TSGA10: variants seen among roughly 807,000 people sequenced by gnomAD.
The protein encoded by TSGA10 is testis specific 10.
TSGA10 carries 43 observed loss-of-function variants against 96.6 expected under a neutral mutation model. The ratio of observed to expected loss-of-function variants is 0.44; its 90% CI spans 0.35 to 0.57. The LOEUF (loss-of-function observed/expected upper bound fraction) is 0.57, where lower values mean the gene tolerates loss of function less well. Ranked by LOEUF, TSGA10 falls within the 20% of genes least tolerant of loss-of-function variation. The pLI, the probability that TSGA10 is intolerant of heterozygous loss-of-function variation, is 0.01. For synonymous variants in TSGA10, 229 were observed against 269.9 expected (o/e 0.85, Z 1.48); for missense variants, 703 against 834.4 (o/e 0.84, Z 1.94).
At chr2:99,088,610 C>G (rs142372323) in intron 10 of TSGA10, among the ~76,000 whole-genome samples, 79 of 152,286 alleles carry the variant, frequency 5.2e-4, no homozygotes, top group African/African-American at 1.8e-3. Flanking sequence ...TAAAATCACA[C>G]AATCACGTGG....
chr2:99,053,156 G>C (rs1285570006), intron 16 of TSGA10, among the ~76,000 whole-genome samples: 2 of 151,882 alleles, frequency 1.3e-5, no homozygotes, highest in Admixed American at 6.6e-5. Context: ...TGGCTTCATG[G>C]GTGAATTCTA....
rs183706789 is a variant in TSGA10 at position 99,111,924 on chromosome 2, C to T, written c.-139-1009G>A. ...CATTCTCATAAAAAATAAATTTATA[C>T]GCAGACATCCTACATATAAACATAA... On this transcript the variant is annotated intron_variant, in intron 4 of 20. Coordinates refer to ENST00000393483, the MANE Select transcript of TSGA10 (RefSeq NM_025244.4). 1.2e-4 allele frequency among the ~76,000 whole-genome samples: 18 copies of T among 152,108 alleles called. No individual in the cohort carries two copies. In the East Asian group the frequency reaches 2.5e-3, roughly 21 times the overall value.
intron 1 of TSGA10, chr2:99,142,388 C>A (rs1427865781): frequency 6.6e-6 from 1 of 152,156 alleles, no homozygotes; most frequent in Admixed American, 6.5e-5. Flanking sequence ...ACTAACAATT[C>A]CTGTTTTCGC....
At chr2:99,129,709 G>A (rs1437460193) in intron 1 of TSGA10, among the ~76,000 whole-genome samples, 5 of 152,122 alleles carry the variant, frequency 3.3e-5, no homozygotes, top group South Asian at 4.1e-4. Context: ...CTCCTGTACC[G>A]TTCTCAGAGA....
At chr2:99,000,248 C>T (rs1050891752) in intron 20 of TSGA10, among the ~76,000 whole-genome samples, 2 of 152,038 alleles carry the variant, frequency 1.3e-5, no homozygotes, top group East Asian at 1.9e-4. Flanking sequence ...TGGCTCATGC[C>T]TGTAATCCCA....
intron 9 of TSGA10, 58 bp downstream of exon 9, chr2:99,105,301 G>C (rs534123576): frequency 7.1e-7 from 1 of 1,404,108 alleles, no homozygotes; most frequent in African/African-American, 1.4e-5. Context: ...AAAGGAGAAA[G>C]GGGAAAGCCA....
At chr2:99,118,740 A>G in intron 2 of TSGA10, 54 bp from the exon 3 acceptor site, 1 of 916,684 alleles carries the variant, frequency 1.1e-6, no homozygotes, top group Non-Finnish European at 1.3e-6. Flanking sequence ...GTCAGGAACT[A>G]TATTAAATTC....
At chr2:99,089,608 G>A (rs946976887) in intron 10 of TSGA10, among the ~76,000 whole-genome samples, 2 of 152,108 alleles carry the variant, frequency 1.3e-5, no homozygotes, top group African/African-American at 4.8e-5. Context: ...GGGTTGCATG[G>A]GAGCTGGGTG....
At chr2:99,047,480 A>T (rs1454241170) in intron 16 of TSGA10, among the ~76,000 whole-genome samples, 1 of 152,208 alleles carries the variant, frequency 6.6e-6, no homozygotes, top group African/African-American at 2.4e-5. Flanking sequence ...AAACCACATG[A>T]TTATCTCAAT....
At chr2:99,014,375 T>A (rs2079306836) in intron 20 of TSGA10, among the ~76,000 whole-genome samples, 1 of 152,118 alleles carries the variant, frequency 6.6e-6, no homozygotes, top group Admixed American at 6.5e-5. Flanking sequence ...CATCATCATC[T>A]GATCTTGAGT....
intron 20 of TSGA10, among the ~76,000 whole-genome samples, chr2:99,011,728 G>A (rs570377274): frequency 1.3e-5 from 2 of 152,258 alleles, no homozygotes; most frequent in Non-Finnish European, 2.9e-5. Flanking sequence ...GTGAGCACAT[G>A]AGCCACCACA....
At chr2:99,025,661 T>G (rs1247624825) in intron 17 of TSGA10, among the ~76,000 whole-genome samples, 1 of 152,176 alleles carries the variant, frequency 6.6e-6, no homozygotes, top group African/African-American at 2.4e-5. Flanking sequence ...TTTTCCAGTG[T>G]TCTAAGTGGA....
At chr2:99,116,140 C>T (rs1169858280) in intron 4 of TSGA10, among the ~76,000 whole-genome samples, 2 of 152,148 alleles carry the variant, frequency 1.3e-5, no homozygotes, top group African/African-American at 2.4e-5. Flanking sequence ...TGGGAAATTA[C>T]TCTGTTACAG....
intron 12 of TSGA10, among the ~76,000 whole-genome samples, chr2:99,077,626 ATC>A (rs1213439460): frequency 6.6e-6 from 1 of 152,060 alleles, no homozygotes; most frequent in East Asian, 2.0e-4. Context: ...CAATGGCCCA[ATC>A]TCGGCTCACT....
chr2:99,082,458 T>C (rs1170633136), intron 10 of TSGA10, among the ~76,000 whole-genome samples: 1 of 152,230 alleles, frequency 6.6e-6, no homozygotes, highest in Admixed American at 6.5e-5. Flanking sequence ...GCCGTCTCTT[T>C]GGCCGCCGGC....
rs760833127 is a variant in TSGA10, at chr2:99,073,089, A to C, written c.883-16T>G. 1 of 1,510,014 alleles carries C rather than the reference A, an allele frequency of 6.6e-7. No individual in the cohort carries two copies. Among genetic ancestry groups the C allele is most frequent in the South Asian group, 1.2e-5 (1 of 84,166 alleles). 93.5% of individuals were successfully genotyped at this position (1,510,014 alleles called of 1,614,324 possible). On this transcript the variant is annotated splice_polypyrimidine_tract_variant and intron_variant, in intron 12 of 20. Coordinates refer to ENST00000393483, the MANE Select transcript of TSGA10 (RefSeq NM_025244.4). ...TGGTCTTTTCCTTGAAAAATAATAT[A>C]AGTATTAAATAAAAAAATCTTAAGC...
intron 16 of TSGA10, among the ~76,000 whole-genome samples, chr2:99,036,816 A>T (rs1276204715): frequency 6.6e-6 from 1 of 152,182 alleles, no homozygotes; most frequent in Non-Finnish European, 1.5e-5. Flanking sequence ...AAGTTGGGGT[A>T]GCTACATTAA....
chr2:99,105,404 A>G lies in TSGA10; in HGVS notation c.414T>C (p.Ala138=). The G allele has an allele frequency of 6.2e-7, 1 of 1,611,894 alleles. No homozygotes were observed. The highest frequency in any genetic ancestry group is 8.5e-7 in the Non-Finnish European group (1 of 1,179,770). The part of the protein sequence containing the change: ...IAQETAFNEK[A]HLEQRIEELE... ...GCTCCTCTATCCTTTGTTCCAGGTG[A>G]GCCTTCTCATTAAATGCTGTCTCTT... Residue 138 remains alanine, a synonymous_variant, in exon 9 of 21, where the codon GCT becomes GCC. Coordinates refer to ENST00000393483, the MANE Select transcript of TSGA10 (RefSeq NM_025244.4).
intron 1 of TSGA10, chr2:99,151,064 A>G (rs914661580): frequency 1.0e-5 from 4 of 387,506 alleles, no homozygotes; most frequent in African/African-American, 4.1e-5. Context: ...TTTCTCTGGT[A>G]TTATATTATA....
Sources: allele counts gnomAD v4.1 joint callset (sites outside exome capture counted in the v4.1 genomes callset), GRCh38; gene constraint gnomAD v4.1.1; transcripts MANE v1.5; gene names NCBI Gene and HGNC (gene_info 2026-07-23, HGNC 2026-07-21).